The following PTP4A3 variants were observed in gnomAD, a reference collection of about 807,000 sequenced individuals.
PTP4A3 encodes the protein protein tyrosine phosphatase type IVA 3.
A neutral mutation model predicts 15.2 loss-of-function variants in PTP4A3; 9 were observed. That is an observed-to-expected ratio of 0.59 (90% CI 0.36 to 1.03). The LOEUF (loss-of-function observed/expected upper bound fraction) is 1.03. PTP4A3 is among the 50% of genes least tolerant of loss of function. The pLI, the probability that PTP4A3 is intolerant of heterozygous loss-of-function variation, is 0.02. For missense variants in PTP4A3, 234 were observed against 252.1 expected, an observed-to-expected ratio of 0.93 and a Z score of 0.49; for synonymous variants, 95 against 102.0, an observed-to-expected ratio of 0.93 and a Z score of 0.41.
Position 141,422,304 on chromosome 8 carries a change from A to T in PTP4A3, c.64A>T (p.Thr22Ser), listed in dbSNP as rs1833370732. ...CTACAAACACATGCGCTTCCTCATC[A>T]CCCACAACCCCACCAACGCCACGCT... Reference protein sequence around the residue: ...VSYKHMRFLITHNPTNATLST... With the variant: ...VSYKHMRFLISHNPTNATLST... Residue 22 changes from threonine (T) to serine (S), a missense_variant, in exon 2 of 6, where the codon ACC (threonine) becomes TCC (serine). Thr to Ser is a moderately conservative substitution (Grantham distance 58). Transcript: ENST00000521578. 1.2e-6 allele frequency: 2 copies of T among 1,613,368 alleles called. No homozygotes were observed. Among genetic ancestry groups the T allele is most frequent in the South Asian group, 2.2e-5 (2 of 91,082 alleles).
At chr8:141,408,068 G>A (rs1832774531) in intron 1 of PTP4A3, among the ~76,000 whole-genome samples, 2 of 152,228 alleles carry the variant, frequency 1.3e-5, no homozygotes, top group South Asian at 4.1e-4. Context: ...GCTGCGCCGT[G>A]GCTGAGCCTT....
rs10093309 is a variant in PTP4A3 at position 141,401,279 on chromosome 8, C to T, written c.-854+9195C>T. Among the ~76,000 whole-genome samples the T allele has an allele frequency of 9.1e-3, 1,379 of 152,238 alleles. 15 individuals carry two copies. Among genetic ancestry groups the T allele is most frequent in the African/African-American group, 0.03 (1,233 of 41,524 alleles). On this transcript the variant is annotated intron_variant, in intron 1 of 5. Coordinates refer to ENST00000521578, the MANE Select transcript of PTP4A3 (RefSeq NM_032611.3). ...ACAAGCTGGCACCTGCACATCTGCA[C>T]GTCCTGTCGTTGAGGTGACCTCTAG... is the stretch of plus-strand genomic sequence containing the variant.
chr8:141,409,426 C>T (rs1008790108), intron 1 of PTP4A3, among the ~76,000 whole-genome samples: 1 of 152,210 alleles, frequency 6.6e-6, no homozygotes, highest in South Asian at 2.1e-4. Flanking sequence ...CATCTGTGGA[C>T]CCGGCACCCA....
chr8:141,408,185 A>C (rs1186590828), intron 1 of PTP4A3, among the ~76,000 whole-genome samples: 1 of 152,048 alleles, frequency 6.6e-6, no homozygotes, highest in African/African-American at 2.4e-5. Context: ...GACAGAAAGC[A>C]GACTTGTGGT....
Position 141,425,196 on chromosome 8 carries a change from C to CGGGGGGGGGGGGGGGGGGGGGG in PTP4A3, c.198+62_198+63insGGGGGGGGGGGGGGGGGGGGGG. 8.3e-6 allele frequency: 3 copies of CGGGGGGGGGGGGGGGGGGGGGG among 361,472 alleles called. No homozygotes were observed. Among genetic ancestry groups the CGGGGGGGGGGGGGGGGGGGGGG allele is most frequent in the East Asian group, 6.7e-5 (1 of 14,872 alleles). 22.4% of individuals were successfully genotyped at this position (361,472 alleles called of 1,614,324 possible). Reference sequence around the variant, plus strand: ...CTGCTGCCACCGGGGGAGGGTGGGGCGGGGGGCTCCGGGCCTGCGCAGAGG... The same window carrying CGGGGGGGGGGGGGGGGGGGGGG: ...CTGCTGCCACCGGGGGAGGGTGGGGCGGGGGGGGGGGGGGGGGGGGGGGGGGGGCTCCGGGCCTGCGCAGAGG... On this transcript the variant is annotated intron_variant, in intron 3 of 5. Coordinates refer to ENST00000521578, the MANE Select transcript of PTP4A3 (RefSeq NM_032611.3). This position sits in a 1 kb window ranked among gnomAD's most constrained non-coding sequence, Gnocchi z 4.2.
chr8:141,415,350 T>TCCCCCTCCCG (rs1233051063), intron 1 of PTP4A3, among the ~76,000 whole-genome samples: 3 of 150,892 alleles, frequency 2.0e-5, no homozygotes, highest in Admixed American at 6.6e-5. Flanking sequence ...CCGTGCGCCA[T>TCCCCCTCCCG]CCCCCTCCCG....
In PTP4A3 at chr8:141,427,748, A is replaced by G; in HGVS notation, c.330-2A>G. The G allele has an allele frequency of 1.9e-6, 3 of 1,550,296 alleles. No individual in the cohort carries two copies. The highest frequency in any genetic ancestry group is 2.6e-6 in the Non-Finnish European group (3 of 1,146,900). On this transcript the variant is annotated splice_acceptor_variant, in intron 4 of 5. Coordinates refer to ENST00000521578, the MANE Select transcript of PTP4A3 (RefSeq NM_032611.3). LOFTEE classifies it high-confidence loss of function. ...GACCCCCGCCCTGCTGTTTGCCCCC[A>G]GGGCTCCAGTCCTTGTGGCGCTGGC... is the stretch of plus-strand genomic sequence containing the variant.
intron 1 of PTP4A3, among the ~76,000 whole-genome samples, chr8:141,392,771 T>C (rs1260571811): frequency 1.3e-5 from 2 of 152,276 alleles, no homozygotes; most frequent in African/African-American, 4.8e-5. Flanking sequence ...TAGCTCCAAG[T>C]GGGCAGAGCA....
At chr8:141,404,051 A>G (rs1832665540) in intron 1 of PTP4A3, among the ~76,000 whole-genome samples, 1 of 152,250 alleles carries the variant, frequency 6.6e-6, no homozygotes. Context: ...TCCCATGCAC[A>G]GCCACACCCA....
chr8:141,413,150 C>T (rs975761131), intron 1 of PTP4A3, among the ~76,000 whole-genome samples: 3 of 152,174 alleles, frequency 2.0e-5, no homozygotes, highest in Non-Finnish European at 4.4e-5. Flanking sequence ...AGGGGCTGTG[C>T]CTGGTGTGCC....
At chr8:141,394,884 C>T (rs550773437) in intron 1 of PTP4A3, among the ~76,000 whole-genome samples, 3 of 152,340 alleles carry the variant, frequency 2.0e-5, no homozygotes, top group East Asian at 3.9e-4. Flanking sequence ...TTGGCATCGC[C>T]GCCGCCTGAC....
chr8:141,416,983 T>C (rs1833080564), intron 1 of PTP4A3, among the ~76,000 whole-genome samples: 2 of 152,096 alleles, frequency 1.3e-5, no homozygotes, highest in South Asian at 4.1e-4. Flanking sequence ...CCCTTGCCGC[T>C]CCACCCTGCT....
chr8:141,394,183 G>A (rs528220497), intron 1 of PTP4A3, among the ~76,000 whole-genome samples: 1 of 152,338 alleles, frequency 6.6e-6, no homozygotes, highest in East Asian at 1.9e-4. Context: ...GCCTCTCCCT[G>A]GTTGGCAGGT....
At chr8:141,418,071 C>A (rs899635219) in intron 1 of PTP4A3, among the ~76,000 whole-genome samples, 1 of 152,122 alleles carries the variant, frequency 6.6e-6, no homozygotes, top group Non-Finnish European at 1.5e-5. Flanking sequence ...GGACCCCAGC[C>A]CCGCCGGGGA....
chr8:141,431,731 C>T lies in PTP4A3; in HGVS notation c.*687C>T, dbSNP rs1237682520. 6.6e-6 allele frequency: 1 copy of T among 152,596 alleles called. No individual in the cohort carries two copies. The highest frequency in any genetic ancestry group is 1.5e-5 in the Non-Finnish European group (1 of 68,344). The allele number at this position is 152,596 out of a possible 1,614,324, so 9.5% of individuals were successfully genotyped here. A position where few individuals can be genotyped will look rare whatever the true frequency, so the allele number is the denominator to read the frequency against. ...CCTGATACCGAGGTGGGAGCCCTGC[C>T]TTGGCCAGGGTGGCCGTGTTGACGG... On this transcript the variant is annotated 3_prime_UTR_variant, in exon 6 of 6. Transcript: ENST00000521578.
intron 1 of PTP4A3, among the ~76,000 whole-genome samples, chr8:141,416,165 AGCTT>A (rs892661479): frequency 1.1e-4 from 17 of 151,882 alleles, no homozygotes; most frequent in African/African-American, 3.9e-4. Context: ...AGCATCACAG[AGCTT>A]GATGGGAACT....
At chr8:141,410,291 G>A (rs761509247) in intron 1 of PTP4A3, among the ~76,000 whole-genome samples, 2 of 152,262 alleles carry the variant, frequency 1.3e-5, no homozygotes, top group Non-Finnish European at 2.9e-5. Flanking sequence ...AGTTGCCAAG[G>A]TGGGGTTCGG....
chr8:141,429,518 C>T (rs1274945629), intron 5 of PTP4A3, among the ~76,000 whole-genome samples: 1 of 152,052 alleles, frequency 6.6e-6, no homozygotes, highest in Non-Finnish European at 1.5e-5. Context: ...AGCCCAGGTC[C>T]CTGCTGTAAG....
chr8:141,408,181 AAGC>A (rs1832778248), intron 1 of PTP4A3, among the ~76,000 whole-genome samples: 1 of 152,208 alleles, frequency 6.6e-6, no homozygotes, highest in South Asian at 2.1e-4. Flanking sequence ...CAGAGACAGA[AAGC>A]AGACTTGTGG....
Sources: gnomAD v4.1 joint callset for allele counts (sites outside exome capture counted in the v4.1 genomes callset) on GRCh38, gnomAD v4.1.1 for gene constraint, Gnocchi (gnomAD v3.1) non-coding constraint, MANE v1.5 for transcripts, NCBI Gene and HGNC (gene_info 2026-07-23, HGNC 2026-07-21) for gene names.